The following ELP2 variants were observed in gnomAD, a reference collection of about 807,000 sequenced individuals.
ELP2 encodes elongator complex protein 2.
In ELP2, 90 loss-of-function variants were observed where a neutral mutation model predicts 119.2. That is an observed-to-expected ratio of 0.75 (90% CI 0.64 to 0.90). The LOEUF is 0.90. ELP2 is among the 40% of genes least tolerant of loss of function. The pLI is 0.00. For missense variants in ELP2, 921 were observed against 967.8 expected (o/e 0.95, Z 0.64); for synonymous variants, 339 against 331.0 (o/e 1.02, Z -0.26).
intron 8 of ELP2, among the ~76,000 whole-genome samples, chr18:36,144,122 T>C (rs1191957579): frequency 6.6e-6 from 1 of 152,200 alleles, no homozygotes; most frequent in Non-Finnish European, 1.5e-5. Context: ...CTATTCTTGG[T>C]GGTAAAGTCC....
intron 19 of ELP2, 79 bp from the exon 20 acceptor site, chr18:36,169,984 C>T (rs2144814883): frequency 6.3e-7 from 1 of 1,576,482 alleles, no homozygotes; most frequent in South Asian, 1.1e-5. Context: ...TTTGTTTTAT[C>T]TTTGCCGATG....
In ELP2 at chr18:36,142,169, T is replaced by C. The variant is rs145875737; in HGVS notation, c.589-112T>C. On this transcript the variant is annotated intron_variant, in intron 6 of 21. Coordinates refer to ENST00000358232, the MANE Select transcript of ELP2 (RefSeq NM_018255.4). ...TGCTTTTTCTTGTCTAATCAAATAG[T>C]GTTCTCAGTAAAAGAGCAACGCAGT... 7.1e-4 allele frequency: 597 copies of C among 846,458 alleles called. 9 individuals carry two copies. In the East Asian group the frequency reaches 0.012, roughly 17 times the overall value. The allele number at this position is 846,458 out of a possible 1,614,324, so 52.4% of individuals were successfully genotyped here. A position where few individuals can be genotyped will look rare whatever the true frequency, so the allele number is the denominator to read the frequency against.
At chr18:36,138,220 TA>T (rs761640327) in intron 3 of ELP2, 49 bp from the exon 4 acceptor site, 13 of 1,571,932 alleles carry the variant, frequency 8.3e-6, no homozygotes, top group Middle Eastern at 1.7e-4. Context: ...TAAATAAAGG[TA>T]AAAAAAATCC....
At position 36,180,114 on chromosome 18, in the gene ELP2, C is replaced by T. The variant is rs1036814786; in HGVS notation, c.*5473C>T. On this transcript the variant is annotated 3_prime_UTR_variant, in exon 22 of 22. Transcript: ENST00000358232. ...GGGTCAAGGACCCAGGCTCTTATTT[C>T]GCTGTCTGACGTCCTTAGTATGAGG... is the stretch of plus-strand genomic sequence containing the variant. The T allele has an allele frequency of 2.0e-5, 3 of 152,248 alleles. No homozygotes were observed. The highest frequency in any genetic ancestry group is 7.2e-5 in the African/African-American group (3 of 41,448). The allele number at this position is 152,248 out of a possible 1,614,324, so 9.4% of individuals were successfully genotyped here.
At chr18:36,133,672 A>G (rs750764307) in intron 2 of ELP2, among the ~76,000 whole-genome samples, 19 of 151,972 alleles carry the variant, frequency 1.3e-4, no homozygotes, top group Non-Finnish European at 1.5e-5. Flanking sequence ...TTTCTGCCAT[A>G]AACAAGCTAT....
At chr18:36,174,099 T>G (rs1448900617) in intron 21 of ELP2, among the ~76,000 whole-genome samples, 1 of 152,218 alleles carries the variant, frequency 6.6e-6, no homozygotes, top group South Asian at 2.1e-4. Context: ...CTAGAATATA[T>G]TGTAAAGTTA....
chr18:36,147,407 TTTTG>T (rs71166096), intron 11 of ELP2, among the ~76,000 whole-genome samples: 19 of 149,438 alleles, frequency 1.3e-4, no homozygotes, highest in East Asian at 4.0e-4. Flanking sequence ...TACTGACAGT[TTTTG>T]TTTGTTTGTT....
chr18:36,164,699 G>T (rs1242452595), intron 18 of ELP2, 32 bp downstream of exon 18: 1 of 1,599,934 alleles, frequency 6.3e-7, no homozygotes, highest in Non-Finnish European at 8.6e-7. Context: ...AAAGTTATTA[G>T]TGAAACAGTT....
At chr18:36,166,319 GTTTTTTTTTTTTTTTT>G (rs60477950) in intron 18 of ELP2, among the ~76,000 whole-genome samples, 9 of 71,696 alleles carry the variant, frequency 1.3e-4, no homozygotes, top group Non-Finnish European at 2.0e-4. Context: ...GTTTTTTAGG[GTTTTTTTTTTTTTTTT>G]TTTTTTTTTT....
chr18:36,142,084 C>T (rs1429649263), intron 6 of ELP2, among the ~76,000 whole-genome samples, 197 bp from the exon 7 acceptor site: 1 of 152,098 alleles, frequency 6.6e-6, no homozygotes, highest in Non-Finnish European at 1.5e-5. Context: ...ATTATCTACT[C>T]AGAGGTGCTC....
rs1211097927 is a variant in ELP2, at chr18:36,154,982, A to T, written c.1258A>T (p.Arg420Ter). 6.2e-7 allele frequency: 1 copy of T among 1,613,322 alleles called. No homozygotes were observed. The highest frequency in any genetic ancestry group is 8.5e-7 in the Non-Finnish European group (1 of 1,179,364). The change falls in exon 12 of 22, where the codon AGA becomes TGA. Residue 420 changes from arginine to a stop codon, truncating the protein, a stop_gained. Coordinates refer to ENST00000358232, the MANE Select transcript of ELP2 (RefSeq NM_018255.4). LOFTEE classifies it high-confidence loss of function. The stretch of plus-strand genomic sequence containing the variant: ...AACTAGACTTTTTGCTCCATGGAAG[A>T]GAAAAGACCAATCACAGGTAAAATG... ...QTTRLFAPWK[R>*]KDQSQVTWHE...
chr18:36,143,689 G>T (rs2090113379), intron 8 of ELP2, among the ~76,000 whole-genome samples: 3 of 152,152 alleles, frequency 2.0e-5, no homozygotes, highest in Admixed American at 2.0e-4. Flanking sequence ...GGGCCACCAT[G>T]CTTGGCCTGA....
At chr18:36,171,216 C>G in intron 21 of ELP2, 56 bp downstream of exon 21, 1 of 1,261,760 alleles carries the variant, frequency 7.9e-7, no homozygotes, top group Non-Finnish European at 1.1e-6. Flanking sequence ...TGGGGTCTTT[C>G]ATGGCAAATT....
intron 5 of ELP2, among the ~76,000 whole-genome samples, chr18:36,140,652 C>T (rs1268068691): frequency 6.6e-6 from 1 of 152,142 alleles, no homozygotes; most frequent in Non-Finnish European, 1.5e-5. Context: ...CCACACCCAG[C>T]CTTTTATTTT....
rs1666339831 is a variant in ELP2 at position 36,176,049 on chromosome 18, AAGGAAAC to A, written c.*1412_*1418del. 1 of 152,190 alleles carries A rather than the reference AAGGAAAC, an allele frequency of 6.6e-6. No individual in the cohort carries two copies. The highest frequency in any genetic ancestry group is 2.4e-5 in the African/African-American group (1 of 41,420). The allele number at this position is 152,190 out of a possible 1,614,324, so 9.4% of individuals were successfully genotyped here. A position where few individuals can be genotyped will look rare whatever the true frequency, so the allele number is the denominator to read the frequency against. ...AAAATTTTCAAGTAGCCACATAATAAAGGAAACAGGTGAAATTTAATGACATATTTCC... is the reference window on the plus strand; with the variant it reads ...AAAATTTTCAAGTAGCCACATAATAAAGGTGAAATTTAATGACATATTTCC... On this transcript the variant is annotated 3_prime_UTR_variant, in exon 22 of 22. Coordinates refer to ENST00000358232, the MANE Select transcript of ELP2 (RefSeq NM_018255.4).
rs373627812 is a variant in ELP2, at chr18:36,145,029, A to T, written c.887A>T (p.Tyr296Phe). 8.7e-6 allele frequency: 14 copies of T among 1,612,974 alleles called. No individual in the cohort carries two copies. Among genetic ancestry groups the T allele is most frequent in the Non-Finnish European group, 1.2e-5 (14 of 1,179,024 alleles). ...GCAGTTCACTGGCAACCTGTGTTTTACAAAGGTAGGAAGAAAACCATACAC... is the reference window on the plus strand; with the variant it reads ...GCAGTTCACTGGCAACCTGTGTTTTTCAAAGGTAGGAAGAAAACCATACAC... ...VNAVHWQPVF[Y>F]KDGVLQQPVR... Residue 296 changes from tyrosine (Y) to phenylalanine (F), a missense_variant, in exon 9 of 22, where the codon TAC becomes TTC. Transcript: ENST00000358232.
chr18:36,165,459 G>A (rs890840894), intron 18 of ELP2, among the ~76,000 whole-genome samples: 7 of 152,072 alleles, frequency 4.6e-5, no homozygotes, highest in African/African-American at 1.7e-4. Flanking sequence ...TGATATTTCT[G>A]GTCTCTTTGT....
In ELP2 at chr18:36,180,274, T is replaced by A. The variant is rs1228260067; in HGVS notation, c.*5633T>A. 1 of 152,240 alleles carries A rather than the reference T, an allele frequency of 6.6e-6. No homozygotes were observed. Among genetic ancestry groups the A allele is most frequent in the Non-Finnish European group, 1.5e-5 (1 of 68,046 alleles). 9.4% of individuals were successfully genotyped at this position (152,240 alleles called of 1,614,324 possible). On this transcript the variant is annotated 3_prime_UTR_variant, in exon 22 of 22. Transcript: ENST00000358232. ...TCTTGGAAGTCCCATACTATTTTGC[T>A]TAATCTCCTCGGGCAGAATTTAGTG...
At chr18:36,169,200 A>G (rs1226301386) in intron 19 of ELP2, among the ~76,000 whole-genome samples, 1 of 151,952 alleles carries the variant, frequency 6.6e-6, no homozygotes, top group Non-Finnish European at 1.5e-5. Flanking sequence ...TGCTAGGATT[A>G]TAGGTGTGAG....
Sources: gnomAD v4.1 joint callset for allele counts (sites outside exome capture counted in the v4.1 genomes callset) on GRCh38, gnomAD v4.1.1 for gene constraint, MANE v1.5 for transcripts, NCBI Gene and HGNC (gene_info 2026-07-23, HGNC 2026-07-21) for gene names.